The following MLLT10 variants were observed in gnomAD, a reference collection of about 807,000 sequenced individuals.
MLLT10 encodes MLLT10 histone lysine methyltransferase DOT1L cofactor, also known as protein AF-10.
Under a neutral mutation model 129.1 loss-of-function variants are expected in MLLT10, and 30 were observed. The ratio of observed to expected loss-of-function variants is 0.23; its 90% confidence interval spans 0.17 to 0.32. The LOEUF is 0.32. MLLT10 is among the 10% of genes least tolerant of loss of function. The pLI is 1.00. For synonymous variants in MLLT10, 490 were observed against 446.4 expected (o/e 1.10, Z -1.23); for missense variants, 1,119 against 1,268.3 (o/e 0.88, Z 1.79).
In MLLT10 at chr10:21,562,052, C is replaced by T. The variant is rs2038887244; in HGVS notation, c.240+23140C>T. On this transcript the variant is annotated intron_variant, in intron 3 of 22. Transcript: ENST00000307729. ...AACTCCCAATCTTGGTTGATCTGCC[C>T]GCCTCGGCCTTCCAAAGTGCTGGGA... 3.3e-5 allele frequency among the ~76,000 whole-genome samples: 5 copies of T among 152,082 alleles called. No individual in the cohort carries two copies. In the South Asian group the frequency reaches 6.2e-4, roughly 19 times the overall value.
chr10:21,533,950 C>G (rs1461896797), upstream of MLLT10, among the ~76,000 whole-genome samples: 20 of 152,124 alleles, frequency 1.3e-4, no homozygotes, highest in Admixed American at 1.2e-3. Context: ...CCTCCCAGGC[C>G]TCTTCCCGAC....
chr10:21,673,638 C>A lies in MLLT10; in HGVS notation c.1340C>A (p.Thr447Lys). 1.2e-6 allele frequency: 2 copies of A among 1,613,946 alleles called. No individual in the cohort carries two copies. Among genetic ancestry groups the A allele is most frequent in the Non-Finnish European group, 1.7e-6 (2 of 1,179,988 alleles). ...GATTTGGGTAATTCCAGCCTTCCTA[C>A]AGCAGGATATAAGCGGGCTCAAACT... Reference protein sequence around the residue: ...PGDLGNSSLPTAGYKRAQTSG... With the variant: ...PGDLGNSSLPKAGYKRAQTSG... The change falls in exon 11 of 23, where the codon ACA becomes AAA. Residue 447 changes from threonine (T) to lysine (K), a missense_variant. Thr to Lys is a moderately conservative substitution (Grantham distance 78). Transcript: ENST00000307729.
rs114221587 is a variant in MLLT10, at chr10:21,558,412, T to G, written c.240+19500T>G. 5.0e-3 allele frequency among the ~76,000 whole-genome samples: 761 copies of G among 152,164 alleles called. 9 individuals carry two copies. Among genetic ancestry groups the G allele is most frequent in the African/African-American group, 0.017 (725 of 41,510 alleles). ...GTGCAGTGAGCTATGATCATGATCC[T>G]GCCACTCTACTCCAGCCTGGGTGAC... On this transcript the variant is annotated intron_variant, in intron 3 of 22. Transcript: ENST00000307729.
At chr10:21,606,504 A>T (rs1262962429) in intron 5 of MLLT10, among the ~76,000 whole-genome samples, 1 of 152,176 alleles carries the variant, frequency 6.6e-6, no homozygotes, top group Non-Finnish European at 1.5e-5. Context: ...CATTAAGAAC[A>T]TTTGTGTTTT....
chr10:21,630,313 G>A (rs2046880737), intron 8 of MLLT10, among the ~76,000 whole-genome samples: 1 of 152,240 alleles, frequency 6.6e-6, no homozygotes. Context: ...AGAGGGCTCA[G>A]TAAGGTTCAA....
intron 3 of MLLT10, among the ~76,000 whole-genome samples, chr10:21,556,321 T>C (rs1170535018): frequency 2.0e-5 from 3 of 152,218 alleles, no homozygotes; most frequent in Non-Finnish European, 4.4e-5. Context: ...GCAGACATTA[T>C]TGAGTGATAG....
chr10:21,697,738 T>C (rs2054512226), intron 13 of MLLT10, among the ~76,000 whole-genome samples: 1 of 152,214 alleles, frequency 6.6e-6, no homozygotes, highest in African/African-American at 2.4e-5. Flanking sequence ...TTACCATTTC[T>C]GAGTAATGAA....
chr10:21,727,645 T>C (rs1291240655), intron 15 of MLLT10, among the ~76,000 whole-genome samples: 1 of 152,198 alleles, frequency 6.6e-6, no homozygotes, highest in Admixed American at 6.6e-5. Context: ...TCCATGGCCT[T>C]CTACACCCAC....
chr10:21,703,477 C>G (rs770255483), intron 13 of MLLT10, among the ~76,000 whole-genome samples: 3 of 151,974 alleles, frequency 2.0e-5, no homozygotes, highest in Admixed American at 1.3e-4. Context: ...TAGAGAAGAC[C>G]TTTTTGCATT....
intron 14 of MLLT10, among the ~76,000 whole-genome samples, chr10:21,714,928 A>AC (rs897519661): frequency 1.3e-5 from 2 of 151,686 alleles, no homozygotes; most frequent in Non-Finnish European, 1.5e-5. Context: ...CCTGTATTAC[A>AC]CCCCCCTTCC....
intron 13 of MLLT10, among the ~76,000 whole-genome samples, chr10:21,702,961 A>G (rs753677199): frequency 6.6e-6 from 1 of 151,614 alleles, no homozygotes; most frequent in Admixed American, 6.6e-5. Context: ...TTTTTGTCCT[A>G]TTGTTTTCTA....
chr10:21,687,927 G>A (rs2131423065), intron 13 of MLLT10, among the ~76,000 whole-genome samples: 1 of 152,272 alleles, frequency 6.6e-6, no homozygotes, highest in African/African-American at 2.4e-5. Flanking sequence ...ATTTAACACA[G>A]CCTTTATAAT....
intron 3 of MLLT10, among the ~76,000 whole-genome samples, chr10:21,555,788 C>T (rs1056443179): frequency 7.9e-5 from 12 of 151,770 alleles, no homozygotes; most frequent in Non-Finnish European, 1.5e-4. Flanking sequence ...CTGCCTCAGC[C>T]TCCTGAGTAG....
At chr10:21,665,035 T>A (rs2050624761) in intron 9 of MLLT10, among the ~76,000 whole-genome samples, 1 of 147,940 alleles carries the variant, frequency 6.8e-6, no homozygotes, top group Non-Finnish European at 1.5e-5. Flanking sequence ...AACCTCTGCC[T>A]CCTGGGTTCA....
intron 9 of MLLT10, among the ~76,000 whole-genome samples, chr10:21,666,632 C>T (rs2050827589): frequency 6.6e-6 from 1 of 150,802 alleles, no homozygotes; most frequent in East Asian, 1.9e-4. Flanking sequence ...TACTGCACTC[C>T]AGCCTGGCGA....
chr10:21,556,487 T>G (rs986297045), intron 3 of MLLT10, among the ~76,000 whole-genome samples: 2 of 152,190 alleles, frequency 1.3e-5, no homozygotes, highest in Admixed American at 6.5e-5. Flanking sequence ...ACTTTTATGA[T>G]TCTTGTTTTT....
rs1197942786 is a variant in MLLT10 at position 21,717,888 on chromosome 10, TCTC to T, written c.1878+3959_1878+3961del. On this transcript the variant is annotated intron_variant, in intron 14 of 22. Transcript: ENST00000307729. ...TTCTCCTCCTCCTTCTCCTCCTCCT[TCTC>T]CTCCTCCTCCTCCTCCTCCTTCTCC... Among the ~76,000 whole-genome samples the T allele has an allele frequency of 4.7e-4, 36 of 75,984 alleles. 2 individuals are homozygous for T. The highest frequency in any genetic ancestry group is 1.1e-3 in the South Asian group (2 of 1,876). 49.8% of individuals were successfully genotyped at this position (75,984 alleles called of 152,430 possible). A position where few individuals can be genotyped will look rare whatever the true frequency, so the allele number is the denominator to read the frequency against.
At chr10:21,556,999 G>C (rs2038110530) in intron 3 of MLLT10, 1 of 1,483,120 alleles carries the variant, frequency 6.7e-7, no homozygotes, top group African/African-American at 1.4e-5. Flanking sequence ...ATTTCTTACA[G>C]GGTTTTGTTT....
intron 3 of MLLT10, among the ~76,000 whole-genome samples, chr10:21,567,064 C>T (rs1301684073): frequency 2.0e-5 from 3 of 151,972 alleles, no homozygotes; most frequent in African/African-American, 4.8e-5. Context: ...CCACCCACCT[C>T]GGCCTCCCAA....
Sources: allele counts gnomAD v4.1 joint callset (sites outside exome capture counted in the v4.1 genomes callset), GRCh38; gene constraint gnomAD v4.1.1; transcripts MANE v1.5; gene names NCBI Gene and HGNC (gene_info 2026-07-23, HGNC 2026-07-21).